ZNF704: variants seen among roughly 807,000 people sequenced by gnomAD.
ZNF704 encodes zinc finger protein 704, also known as glucocorticoid induced gene 1.
ZNF704 carries 10 observed loss-of-function variants against 44.7 expected under a neutral mutation model. The observed-to-expected ratio is 0.22, with a 90% CI of 0.14 to 0.38. The LOEUF (loss-of-function observed/expected upper bound fraction) is 0.38, where lower values mean the gene tolerates loss of function less well. ZNF704 is among the 10% of genes least tolerant of loss of function. The pLI is 1.00. For missense variants in ZNF704, 390 were observed against 545.5 expected (o/e 0.71, Z 2.84); for synonymous variants, 211 against 207.6 (o/e 1.02, Z -0.14).
intron 2 of ZNF704, among the ~76,000 whole-genome samples, chr8:80,744,852 A>AT (rs1463163416): frequency 6.6e-6 from 1 of 152,136 alleles, no homozygotes; most frequent in Non-Finnish European, 1.5e-5. Context: ...ATATATCTTT[A>AT]TTTTTTACTG....
rs1807764289 is a variant in ZNF704 at position 80,794,397 on chromosome 8, A to G, written c.221+26977T>C. ...TAAAAAGAGCAATTATTAATAGCTC[A>G]GGTTAATCACCAAAGAAACTGCTGT... On this transcript the variant is annotated intron_variant, in intron 2 of 8. Coordinates refer to ENST00000327835, the MANE Select transcript of ZNF704 (RefSeq NM_001033723.3). Among the ~76,000 whole-genome samples, 4 of 152,234 alleles carry G rather than the reference A, an allele frequency of 2.6e-5. No homozygotes were observed. In the South Asian group the frequency reaches 8.3e-4, roughly 32 times the overall value.
At chr8:80,835,990 T>C (rs985070347) in intron 1 of ZNF704, among the ~76,000 whole-genome samples, 1 of 152,172 alleles carries the variant, frequency 6.6e-6, no homozygotes, top group African/African-American at 2.4e-5. Context: ...ATCTGTACAA[T>C]AGTCTCCCTC....
intron 2 of ZNF704, among the ~76,000 whole-genome samples, chr8:80,777,128 C>T (rs1266713006): frequency 6.6e-6 from 1 of 151,938 alleles, no homozygotes; most frequent in Non-Finnish European, 1.5e-5. Context: ...TTTTAAATTG[C>T]TAAGAATTTA....
At chr8:80,785,218 A>T (rs1281738741) in intron 2 of ZNF704, among the ~76,000 whole-genome samples, 1 of 152,170 alleles carries the variant, frequency 6.6e-6, no homozygotes, top group Non-Finnish European at 1.5e-5. Flanking sequence ...TACAGAATAC[A>T]CCTCAATTGG....
chr8:80,679,003 A>G (rs886800760), intron 4 of ZNF704, among the ~76,000 whole-genome samples: 2 of 152,128 alleles, frequency 1.3e-5, no homozygotes, highest in Admixed American at 6.5e-5. Context: ...CTCCTCCAAA[A>G]GTTACCCTAT....
At chr8:80,772,454 T>C (rs1357346431) in intron 2 of ZNF704, among the ~76,000 whole-genome samples, 1 of 152,032 alleles carries the variant, frequency 6.6e-6, no homozygotes, top group Admixed American at 6.6e-5. Context: ...AAACTTACAA[T>C]CATGGCGAAA....
intron 1 of ZNF704, among the ~76,000 whole-genome samples, chr8:80,869,423 C>A (rs1326771440): frequency 6.6e-6 from 1 of 152,190 alleles, no homozygotes; most frequent in Non-Finnish European, 1.5e-5. Flanking sequence ...CTTTCTGCTA[C>A]ATGGAGAAAA....
At chr8:80,646,049 A>C (rs1464156853) in intron 7 of ZNF704, among the ~76,000 whole-genome samples, 1 of 152,182 alleles carries the variant, frequency 6.6e-6, no homozygotes, top group African/African-American at 2.4e-5. Flanking sequence ...TGCAGCATAA[A>C]GGCCCTAACA....
In ZNF704 at chr8:80,637,373, A is replaced by G. The variant is rs181027435; in HGVS notation, c.*3993T>C. On this transcript the variant is annotated 3_prime_UTR_variant, in exon 9 of 9. Coordinates refer to ENST00000327835, the MANE Select transcript of ZNF704 (RefSeq NM_001033723.3). ...TACTATTCTCAAGGTATTCTCTGTT[A>G]TATGTACAATTCTGGCCACTTTTCT... 6.6e-6 allele frequency: 1 copy of G among 152,252 alleles called. No homozygotes were observed. The highest frequency in any genetic ancestry group is 6.5e-5 in the Admixed American group (1 of 15,278). The allele number at this position is 152,252 out of a possible 1,614,324, so 9.4% of individuals were successfully genotyped here. A position where few individuals can be genotyped will look rare whatever the true frequency, so the allele number is the denominator to read the frequency against.
chr8:80,842,500 AG>A (rs1435567130), intron 1 of ZNF704, among the ~76,000 whole-genome samples: 1 of 152,232 alleles, frequency 6.6e-6, no homozygotes, highest in Non-Finnish European at 1.5e-5. Context: ...CAGAGAAAAA[AG>A]AAGTAATATT....
rs78396914 is a variant in ZNF704, at chr8:80,865,932, A to T, written c.-22+8639T>A. Among the ~76,000 whole-genome samples the T allele has an allele frequency of 5.3e-3, 805 of 152,284 alleles. 6 individuals are homozygous for T. The highest frequency in any genetic ancestry group is 0.018 in the African/African-American group (760 of 41,552). On this transcript the variant is annotated intron_variant, in intron 1 of 8. Transcript: ENST00000327835. ...AGCTTGTTTCCTACATATAAATTGT[A>T]ACTCTAGATTTTTCCAAAACTGTAT... is the stretch of plus-strand genomic sequence containing the variant.
intron 2 of ZNF704, among the ~76,000 whole-genome samples, chr8:80,806,430 T>A (rs557587023): frequency 6.6e-6 from 1 of 152,300 alleles, no homozygotes; most frequent in South Asian, 2.1e-4. Flanking sequence ...CTGGACTAAA[T>A]ATCCCATTTC....
chr8:80,732,238 G>T (rs1298038980), intron 2 of ZNF704, among the ~76,000 whole-genome samples: 1 of 151,910 alleles, frequency 6.6e-6, no homozygotes, highest in South Asian at 2.1e-4. Flanking sequence ...TTGTCTCTTG[G>T]TGTTCTATTC....
chr8:80,768,588 G>A (rs1004476916), intron 2 of ZNF704, among the ~76,000 whole-genome samples: 3 of 152,204 alleles, frequency 2.0e-5, no homozygotes, highest in Non-Finnish European at 2.9e-5. Flanking sequence ...GGATTAGGCA[G>A]TAACTCAAAG....
chr8:80,648,976 T>C (rs1384633667), intron 7 of ZNF704, among the ~76,000 whole-genome samples: 2 of 152,178 alleles, frequency 1.3e-5, no homozygotes, highest in Non-Finnish European at 2.9e-5. Flanking sequence ...TAAAGCCCTA[T>C]AAAGCAAATA....
chr8:80,728,594 TTTA>T (rs1182608525), intron 2 of ZNF704, among the ~76,000 whole-genome samples: 1 of 152,174 alleles, frequency 6.6e-6, no homozygotes, highest in East Asian at 1.9e-4. Flanking sequence ...CCATGTTGTA[TTTA>T]TTATTATTAT....
chr8:80,690,540 G>A (rs572811237), intron 3 of ZNF704, among the ~76,000 whole-genome samples: 17 of 152,244 alleles, frequency 1.1e-4, no homozygotes, highest in Admixed American at 9.2e-4. Context: ...GACTACAGGC[G>A]TGTTACCATA....
intron 2 of ZNF704, among the ~76,000 whole-genome samples, chr8:80,713,408 C>T (rs1819023783): frequency 6.6e-6 from 1 of 152,226 alleles, no homozygotes; most frequent in Non-Finnish European, 1.5e-5. Context: ...TAGATTTCAT[C>T]TTTATTCCTC....
intron 2 of ZNF704, among the ~76,000 whole-genome samples, chr8:80,708,409 T>C (rs1585970763): frequency 6.6e-6 from 1 of 152,054 alleles, no homozygotes; most frequent in Non-Finnish European, 1.5e-5. Context: ...TAATAGGAGG[T>C]GGATGAATAC....
Sources: allele counts gnomAD v4.1 joint callset (sites outside exome capture counted in the v4.1 genomes callset), GRCh38; gene constraint gnomAD v4.1.1; transcripts MANE v1.5; gene names NCBI Gene and HGNC (gene_info 2026-07-23, HGNC 2026-07-21).